Variants in SORCS2 observed in about 807,000 individuals in gnomAD.
The protein encoded by SORCS2 is sortilin related VPS10 domain containing receptor 2, also known as VPS10 domain-containing receptor SorCS2.
SORCS2 carries 100 observed loss-of-function variants against 141.6 expected under a neutral mutation model. That is an observed-to-expected ratio of 0.71 (90% CI 0.60 to 0.83). SORCS2 has a LOEUF of 0.83. Among genes scored for constraint, SORCS2 ranks in the 40% least tolerant of loss-of-function variants. The pLI is 0.00. For synonymous variants in SORCS2, 789 were observed against 676.9 expected (o/e 1.17, Z -2.57); for missense variants, 1,646 against 1,560.2 (o/e 1.05, Z -0.93).
intron 4 of SORCS2, among the ~76,000 whole-genome samples, chr4:7,653,269 G>C (rs1293182257): frequency 6.6e-6 from 1 of 152,146 alleles, no homozygotes. Flanking sequence ...TTCAGGTGGA[G>C]TTTTGCTCTT....
At chr4:7,497,510 T>C (rs1731701665) in intron 2 of SORCS2, among the ~76,000 whole-genome samples, 1 of 152,250 alleles carries the variant, frequency 6.6e-6, no homozygotes, top group Non-Finnish European at 1.5e-5. Context: ...TGGAGATTCC[T>C]TGCCCCGTGG....
In SORCS2 at chr4:7,638,469, C is replaced by T; in HGVS notation, c.790C>T (p.Leu264Phe). 5.0e-6 allele frequency: 8 copies of T among 1,609,690 alleles called. No homozygotes were observed. The highest frequency in any genetic ancestry group is 6.8e-6 in the Non-Finnish European group (8 of 1,178,298). Reference sequence around the variant, plus strand: ...CCACCCTAAGGAGGAGGACAAGGTCCTCGCCTACACAAAGGAGAGCAAGGT... The same window carrying T: ...CCACCCTAAGGAGGAGGACAAGGTCTTCGCCTACACAAAGGAGAGCAAGGT... ...IFHPKEEDKV[L>F]AYTKESKLYV... The change falls in exon 4 of 27, where the codon CTC (leucine) becomes TTC (phenylalanine). Residue 264 changes from leucine (L) to phenylalanine (F), a missense_variant. Leu to Phe is a conservative substitution (Grantham distance 22). Coordinates refer to ENST00000507866, the MANE Select transcript of SORCS2 (RefSeq NM_020777.3).
intron 3 of SORCS2, among the ~76,000 whole-genome samples, chr4:7,637,080 C>T (rs573246426): frequency 2.0e-5 from 3 of 152,310 alleles, no homozygotes; most frequent in East Asian, 3.9e-4. Context: ...ATTGAATTTA[C>T]GGTCTACCCT....
rs149420456 is a variant in SORCS2, at chr4:7,600,646, C to CAT, written c.649-37672_649-37671dup. ...CCTGGCGTTTTTAGATTACGATATA[C>CAT]ATATATATATACACACACACACACA... On this transcript the variant is annotated intron_variant, in intron 3 of 26. Transcript: ENST00000507866. Among the ~76,000 whole-genome samples, 1,010 of 113,860 alleles carry CAT rather than the reference C, an allele frequency of 8.9e-3. 5 individuals are homozygous for CAT. The highest frequency in any genetic ancestry group is 0.016 in the Middle Eastern group (4 of 248). The allele number at this position is 113,860 out of a possible 152,430, so 74.7% of individuals were successfully genotyped here.
rs920589923 is a variant in SORCS2 at position 7,729,534 on chromosome 4, A to T, written c.2983-53A>T. On this transcript the variant is annotated intron_variant, in intron 22 of 26. Coordinates refer to ENST00000507866, the MANE Select transcript of SORCS2 (RefSeq NM_020777.3). ...GGGTGTTCCTGGGGGCCCCAGTATG[A>T]GGCAGGGAATGAGGAAGACAGGCGG... is the stretch of plus-strand genomic sequence containing the variant. 2.6e-6 allele frequency: 4 copies of T among 1,543,284 alleles called. No homozygotes were observed. In the African/African-American group the frequency reaches 4.1e-5, roughly 16 times the overall value.
chr4:7,289,691 T>G (rs1716480757), intron 1 of SORCS2, among the ~76,000 whole-genome samples: 1 of 152,118 alleles, frequency 6.6e-6, no homozygotes, highest in African/African-American at 2.4e-5. Flanking sequence ...GCGGGGAGTT[T>G]TCTCCAGTAT....
intron 3 of SORCS2, among the ~76,000 whole-genome samples, chr4:7,614,998 C>T (rs976640874): frequency 6.6e-6 from 1 of 152,116 alleles, no homozygotes; most frequent in African/African-American, 2.4e-5. Context: ...GTGCTCCACC[C>T]ATCTGTTCAT....
intron 2 of SORCS2, among the ~76,000 whole-genome samples, chr4:7,501,439 T>C (rs1731971171): frequency 6.6e-6 from 1 of 152,158 alleles, no homozygotes; most frequent in South Asian, 2.1e-4. Context: ...TAGGACACGG[T>C]GCCATGAGCT....
At chr4:7,541,966 C>A (rs948349773) in intron 3 of SORCS2, among the ~76,000 whole-genome samples, 1 of 152,226 alleles carries the variant, frequency 6.6e-6, no homozygotes, top group African/African-American at 2.4e-5. Context: ...TCTGGCCCCC[C>A]AGCCATGTGC....
intron 2 of SORCS2, among the ~76,000 whole-genome samples, chr4:7,416,738 GCA>G (rs58239236): frequency 0.1 from 14,651 of 146,410 alleles, 914 homozygotes; most frequent in African/African-American, 0.17. Context: ...ACACACGCAT[GCA>G]CACACACTTG....
intron 2 of SORCS2, among the ~76,000 whole-genome samples, chr4:7,500,389 C>T (rs1731892042): frequency 6.6e-6 from 1 of 152,178 alleles, no homozygotes; most frequent in Non-Finnish European, 1.5e-5. Flanking sequence ...TTGAGGACCT[C>T]CTGCAAACAG....
At chr4:7,629,252 T>C (rs1031349951) in intron 3 of SORCS2, among the ~76,000 whole-genome samples, 4 of 151,872 alleles carry the variant, frequency 2.6e-5, no homozygotes, top group Non-Finnish European at 5.9e-5. Flanking sequence ...CCATTAGAAG[T>C]GATATTAATA....
At chr4:7,420,792 C>T (rs918236093) in intron 2 of SORCS2, among the ~76,000 whole-genome samples, 2 of 152,204 alleles carry the variant, frequency 1.3e-5, no homozygotes, top group Admixed American at 6.5e-5. Flanking sequence ...ATCCACCATG[C>T]CCCACCAGCC....
chr4:7,724,477 G>GA (rs1553808392), intron 19 of SORCS2, among the ~76,000 whole-genome samples: 5 of 59,376 alleles, frequency 8.4e-5, no homozygotes, highest in African/African-American at 2.8e-4. Flanking sequence ...GATGGTGATG[G>GA]TGGTGATGGT....
chr4:7,386,564 A>C (rs1256551588), intron 1 of SORCS2, among the ~76,000 whole-genome samples: 3 of 129,178 alleles, frequency 2.3e-5, no homozygotes, highest in Admixed American at 1.6e-4. Flanking sequence ...ACACACGCAC[A>C]TGCACACACA....
At chr4:7,255,160 C>T (rs112860127) in intron 1 of SORCS2, among the ~76,000 whole-genome samples, 3,762 of 151,994 alleles carry the variant, frequency 0.025, 175 homozygotes, top group African/African-American at 0.086. Flanking sequence ...AGGCACTGAG[C>T]GGTCAGGTCA....
chr4:7,252,872 G>C (rs1177177522), intron 1 of SORCS2, among the ~76,000 whole-genome samples: 1 of 152,228 alleles, frequency 6.6e-6, no homozygotes, highest in Non-Finnish European at 1.5e-5. Flanking sequence ...ATTCCGTTTA[G>C]AAAAAATTGA....
At chr4:7,551,935 T>C (rs6446609) in intron 3 of SORCS2, among the ~76,000 whole-genome samples, 148,345 of 152,328 alleles carry the variant, frequency 0.97, 72,361 homozygotes, top group East Asian at 1. Flanking sequence ...GGTAATTGTG[T>C]GTCGTAATCG....
At chr4:7,378,302 C>A (rs142275166) in intron 1 of SORCS2, among the ~76,000 whole-genome samples, 33 of 152,234 alleles carry the variant, frequency 2.2e-4, no homozygotes, top group African/African-American at 7.7e-4. Flanking sequence ...TTTAAGGCAC[C>A]TTTTTGGGGC....
Sources: allele counts gnomAD v4.1 joint callset (sites outside exome capture counted in the v4.1 genomes callset), GRCh38; gene constraint gnomAD v4.1.1; transcripts MANE v1.5; gene names NCBI Gene and HGNC (gene_info 2026-07-23, HGNC 2026-07-21).